TTC7A: variants seen among roughly 807,000 people sequenced by gnomAD.
TTC7A encodes tetratricopeptide repeat protein 7A.
A neutral mutation model predicts 103.7 loss-of-function variants in TTC7A; 110 were observed. The observed-to-expected ratio is 1.06, with a 90% CI of 0.91 to 1.24. The LOEUF (loss-of-function observed/expected upper bound fraction) is 1.24. Among genes scored for constraint, TTC7A ranks in the 50% most tolerant of loss-of-function variants. The probability of loss-of-function intolerance (pLI) is 0.00; values close to 1 mark genes in which losing one functional copy is unlikely to be tolerated. For missense variants in TTC7A, 1,340 were observed against 1,116.3 expected (o/e 1.20, Z -2.86); for synonymous variants, 521 against 467.9 (o/e 1.11, Z -1.47).
At chr2:47,062,213 A>T (rs1191069936) in intron 19 of TTC7A, among the ~76,000 whole-genome samples, 2 of 152,192 alleles carry the variant, frequency 1.3e-5, no homozygotes, top group African/African-American at 4.8e-5. Flanking sequence ...ATGCAACGTC[A>T]TGGGGAGGAG....
At chr2:46,986,898 A>G (rs1675069456) in intron 5 of TTC7A, among the ~76,000 whole-genome samples, 1 of 152,064 alleles carries the variant, frequency 6.6e-6, no homozygotes, top group African/African-American at 2.4e-5. Context: ...GAGCTTCAGG[A>G]AAGCCTGGGC....
At chr2:46,935,224 G>C (rs1055791684) in intron 2 of TTC7A, among the ~76,000 whole-genome samples, 1 of 152,078 alleles carries the variant, frequency 6.6e-6, no homozygotes, top group African/African-American at 2.4e-5. Context: ...CGTGTGTGGA[G>C]GAACAGCTCA....
At chr2:46,932,957 A>G (rs1425665830) in intron 2 of TTC7A, among the ~76,000 whole-genome samples, 3 of 152,046 alleles carry the variant, frequency 2.0e-5, no homozygotes, top group African/African-American at 4.8e-5. Flanking sequence ...CAAAACTGCT[A>G]TAATCTCTGA....
At chr2:47,042,756 A>G (rs1313971840) in intron 15 of TTC7A, among the ~76,000 whole-genome samples, 15 of 152,178 alleles carry the variant, frequency 9.9e-5, no homozygotes, top group African/African-American at 3.4e-4. Flanking sequence ...CCAGACATTC[A>G]GAGAAGGACA....
chr2:46,951,551 C>T (rs756501195), intron 2 of TTC7A: 5 of 454,288 alleles, frequency 1.1e-5, no homozygotes, highest in African/African-American at 6.0e-5. Flanking sequence ...CTTCCTTCCC[C>T]TCTGTCTCTC....
intron 4 of TTC7A, 88 bp from the exon 5 acceptor site, chr2:46,978,704 G>A (rs1674122147): frequency 2.1e-6 from 2 of 964,738 alleles, no homozygotes; most frequent in Admixed American, 1.9e-5. Context: ...ACTGGGACTG[G>A]GATGGTGATG....
chr2:47,053,862 C>G (rs6544953), intron 18 of TTC7A, among the ~76,000 whole-genome samples: 27,019 of 152,212 alleles, frequency 0.18, 2,498 homozygotes, highest in Middle Eastern at 0.2. Flanking sequence ...GCGTGAGCCA[C>G]TGCGCCCGGC....
intron 5 of TTC7A, among the ~76,000 whole-genome samples, chr2:46,988,905 G>T (rs537639123): frequency 6.6e-6 from 1 of 152,292 alleles, no homozygotes; most frequent in East Asian, 1.9e-4. Flanking sequence ...GCATCTTCCA[G>T]GCTCTTTTTC....
chr2:47,001,197 G>A (rs969053271), intron 8 of TTC7A, among the ~76,000 whole-genome samples: 1 of 152,170 alleles, frequency 6.6e-6, no homozygotes, highest in African/African-American at 2.4e-5. Context: ...TTAGACTGGA[G>A]CCCTGTTTAT....
intron 15 of TTC7A, among the ~76,000 whole-genome samples, chr2:47,037,074 C>T (rs1681194382): frequency 6.6e-6 from 1 of 152,208 alleles, no homozygotes; most frequent in Non-Finnish European, 1.5e-5. Flanking sequence ...CCCTCTCTCC[C>T]ACTATAGGCC....
chr2:47,061,606 A>C (rs1160623577), intron 19 of TTC7A, among the ~76,000 whole-genome samples: 1 of 152,210 alleles, frequency 6.6e-6, no homozygotes, highest in Non-Finnish European at 1.5e-5. Context: ...GCTGGGGAGC[A>C]GGATGCTGAT....
At chr2:46,929,738 T>G (rs1351290914) in intron 2 of TTC7A, among the ~76,000 whole-genome samples, 1 of 152,134 alleles carries the variant, frequency 6.6e-6, no homozygotes, top group East Asian at 1.9e-4. Context: ...AAATAAGATA[T>G]GGGATGCTAT....
chr2:46,917,495 C>T (rs929258863), intron 2 of TTC7A, among the ~76,000 whole-genome samples: 1 of 152,180 alleles, frequency 6.6e-6, no homozygotes, highest in Admixed American at 6.5e-5. Context: ...CTTCTATGTA[C>T]TAGGCGCTCT....
intron 5 of TTC7A, among the ~76,000 whole-genome samples, chr2:46,981,604 C>A (rs192644939): frequency 6.6e-6 from 1 of 152,190 alleles, no homozygotes; most frequent in Non-Finnish European, 1.5e-5. Context: ...TCTCTAGAAC[C>A]GGAGCCTGAA....
rs1426525943 is a variant in TTC7A at position 47,073,912 on chromosome 2, A to G, written c.2566A>G (p.Arg856Gly). 2.5e-6 allele frequency: 4 copies of G among 1,611,706 alleles called. No homozygotes were observed. The highest frequency in any genetic ancestry group is 3.4e-6 in the Non-Finnish European group (4 of 1,179,350). ...TGTACTGCCCTTCTCCATCATCCCC[A>G]GAGAGCTCTGACGACGCTGCAGCCG... Reference protein sequence around the residue: ...SPVLPFSIIPREL With the variant: ...SPVLPFSIIPGEL The change falls in exon 20 of 20, where the codon AGA (arginine) becomes GGA (glycine). Residue 856 changes from arginine to glycine, a missense_variant. Transcript: ENST00000319190.
At chr2:47,006,183 C>A in intron 9 of TTC7A, 124 bp downstream of exon 9, 7 of 1,267,138 alleles carry the variant, frequency 5.5e-6, no homozygotes, top group Non-Finnish European at 7.5e-6. Flanking sequence ...GCCGCTTTGA[C>A]CTCGGCAAGT....
chr2:47,038,629 T>TTCCCCC (rs1681394197), intron 15 of TTC7A, among the ~76,000 whole-genome samples: 1 of 86,940 alleles, frequency 1.2e-5, no homozygotes, highest in Non-Finnish European at 2.3e-5. Flanking sequence ...TGCTGCCACT[T>TTCCCCC]CCCACCCACC....
At chr2:46,966,645 A>C (rs1465005908) in intron 3 of TTC7A, among the ~76,000 whole-genome samples, 3 of 149,632 alleles carry the variant, frequency 2.0e-5, no homozygotes, top group Non-Finnish European at 4.4e-5. Flanking sequence ...TTGAAGCTAA[A>C]TTTTGTATAC....
Position 47,071,767 on chromosome 2 carries a change from C to T in TTC7A, c.2356-1935C>T, listed in dbSNP as rs530745398. Among the ~76,000 whole-genome samples, 12 of 152,344 alleles carry T rather than the reference C, an allele frequency of 7.9e-5. No homozygotes were observed. The East Asian group carries it at 1.2e-3, about 15-fold the overall frequency. On this transcript the variant is annotated intron_variant, in intron 19 of 19. Transcript: ENST00000319190. ...ACACACACACACCAGCCTGCAGACACATCTGGCCCCTTCCCAAACACCCAC... is the reference window on the plus strand; with the variant it reads ...ACACACACACACCAGCCTGCAGACATATCTGGCCCCTTCCCAAACACCCAC...
Sources: allele counts gnomAD v4.1 joint callset (sites outside exome capture counted in the v4.1 genomes callset), GRCh38; gene constraint gnomAD v4.1.1; transcripts MANE v1.5; gene names NCBI Gene and HGNC (gene_info 2026-07-23, HGNC 2026-07-21).